The following LEMD2 variants were observed in gnomAD, a reference collection of about 807,000 sequenced individuals.
LEMD2 encodes the protein LEM domain nuclear envelope protein 2, also known as LEM domain-containing protein 2.
A neutral mutation model predicts 58.8 loss-of-function variants in LEMD2; 34 were observed. The ratio of observed to expected loss-of-function variants is 0.58; its 90% CI spans 0.44 to 0.77. The LOEUF is 0.77. LEMD2 is among the 30% of genes least tolerant of loss of function. LEMD2 has a pLI of 0.00. For synonymous variants in LEMD2, 298 were observed against 308.9 expected, an observed-to-expected ratio of 0.96 and a Z score of 0.37; for missense variants, 629 against 717.9, an observed-to-expected ratio of 0.88 and a Z score of 1.42.
In LEMD2 at chr6:33,772,079, TC is replaced by T. The variant is rs909153273; in HGVS notation, c.*548del. The T allele has an allele frequency of 2.6e-5, 4 of 153,060 alleles. No homozygotes were observed. Among genetic ancestry groups the T allele is most frequent in the African/African-American group, 7.2e-5 (3 of 41,410 alleles). The allele number at this position is 153,060 out of a possible 1,614,324, so 9.5% of individuals were successfully genotyped here. A position where few individuals can be genotyped will look rare whatever the true frequency, so the allele number is the denominator to read the frequency against. ...GTCTGGGCCTGGTGTTTCTAGACGG[TC>T]CCCCCTACAGTCACTTGTTCTAATT... On this transcript the variant is annotated 3_prime_UTR_variant, in exon 9 of 9. Transcript: ENST00000293760.
chr6:33,787,692 G>T (rs1767712151), intron 1 of LEMD2, among the ~76,000 whole-genome samples: 1 of 152,218 alleles, frequency 6.6e-6, no homozygotes. Flanking sequence ...GTATCCTGCA[G>T]ACCTCTCATT....
rs1767630240 is a variant in LEMD2, at chr6:33,784,444, C to T, written c.778-17G>A. 1.3e-6 allele frequency: 1 copy of T among 790,660 alleles called. No homozygotes were observed. The highest frequency in any genetic ancestry group is 1.9e-6 in the Non-Finnish European group (1 of 538,436). The allele number at this position is 790,660 out of a possible 1,614,324, so 49.0% of individuals were successfully genotyped here. A position where few individuals can be genotyped will look rare whatever the true frequency, so the allele number is the denominator to read the frequency against. ...CTGACAGAACTGGAAAGGCACGGGA[C>T]AAGTGGTCAGCAAGGAGGGGTGGGT... On this transcript the variant is annotated splice_polypyrimidine_tract_variant and intron_variant, in intron 2 of 8. Transcript: ENST00000293760.
intron 8 of LEMD2, among the ~76,000 whole-genome samples, chr6:33,773,539 G>C (rs1477584620): frequency 2.0e-5 from 3 of 149,350 alleles, no homozygotes; most frequent in African/African-American, 7.3e-5. Flanking sequence ...CTGTGAGTGT[G>C]TACGCATGGG....
intron 8 of LEMD2, among the ~76,000 whole-genome samples, chr6:33,775,586 A>G (rs1180270863): frequency 6.6e-6 from 1 of 152,194 alleles, no homozygotes; most frequent in African/African-American, 2.4e-5. Context: ...AAATGCTGGG[A>G]TTACAGGTGT....
At chr6:33,787,384 G>A (rs1160343554) in intron 1 of LEMD2, among the ~76,000 whole-genome samples, 1 of 152,204 alleles carries the variant, frequency 6.6e-6, no homozygotes, top group Non-Finnish European at 1.5e-5. Flanking sequence ...TCATTTGGGT[G>A]TTTGCACACG....
Position 33,788,811 on chromosome 6 carries a change from C to G in LEMD2, c.306G>C (p.Gly102=), listed in dbSNP as rs986986583. ...CGGAGGGCCGGATATCACCGTAGGCCCCAGGGGTCGCGTAGGCCGAGCCCG... is the reference window on the plus strand; with the variant it reads ...CGGAGGGCCGGATATCACCGTAGGCGCCAGGGGTCGCGTAGGCCGAGCCCG... ...PASGSAYATP[G]AYGDIRPSAA... The change falls in exon 1 of 9, where the codon GGG becomes GGC. Residue 102 remains glycine (G), a synonymous_variant. Transcript: ENST00000293760. 1.4e-6 allele frequency: 2 copies of G among 1,443,986 alleles called. No individual in the cohort carries two copies. The highest frequency in any genetic ancestry group is 1.8e-6 in the Non-Finnish European group (2 of 1,099,914). The allele number at this position is 1,443,986 out of a possible 1,614,324, so 89.4% of individuals were successfully genotyped here. A position where few individuals can be genotyped will look rare whatever the true frequency, so the allele number is the denominator to read the frequency against.
At position 33,778,575 on chromosome 6, in the gene LEMD2, A is replaced by G; in HGVS notation, c.1011-188T>C. ...CCACATTGGCTACTTAGAATGAATAAAGCTTTAAAGACGGCAGCAGGCTTG... is the reference window on the plus strand; with the variant it reads ...CCACATTGGCTACTTAGAATGAATAGAGCTTTAAAGACGGCAGCAGGCTTG... On this transcript the variant is annotated intron_variant, in intron 5 of 8. Coordinates refer to ENST00000293760, the MANE Select transcript of LEMD2 (RefSeq NM_181336.4). This position sits in a 1 kb window ranked among gnomAD's most constrained non-coding sequence, Gnocchi z 4.7. The G allele has an allele frequency of 2.3e-6, 1 of 425,718 alleles. No individual in the cohort carries two copies. Among genetic ancestry groups the G allele is most frequent in the South Asian group, 7.9e-5 (1 of 12,682 alleles). 26.4% of individuals were successfully genotyped at this position (425,718 alleles called of 1,614,324 possible). A position where few individuals can be genotyped will look rare whatever the true frequency, so the allele number is the denominator to read the frequency against.
chr6:33,776,170 G>A (rs998172774), intron 8 of LEMD2, among the ~76,000 whole-genome samples: 3 of 152,368 alleles, frequency 2.0e-5, no homozygotes, highest in South Asian at 2.1e-4. Flanking sequence ...TTCATGTTGT[G>A]AAACTTTGCT....
At chr6:33,780,071 T>C in intron 5 of LEMD2, 29 bp downstream of exon 5, 1 of 1,550,440 alleles carries the variant, frequency 6.4e-7, no homozygotes, top group Non-Finnish European at 8.8e-7. Context: ...CAGGCACCCA[T>C]GCTGCGTCGC....
intron 3 of LEMD2, 149 bp from the exon 4 acceptor site, chr6:33,781,302 C>T (rs1472569594): frequency 3.3e-6 from 2 of 613,402 alleles, no homozygotes; most frequent in South Asian, 2.0e-5. Flanking sequence ...CTTCACTCTG[C>T]AGCAAGATCA....
At chr6:33,780,386 A>G in intron 4 of LEMD2, 2 of 592,532 alleles carry the variant, frequency 3.4e-6, no homozygotes, top group Non-Finnish European at 6.2e-6. Flanking sequence ...GTGATGCGGA[A>G]GCACAAGCAG....
Position 33,789,124 on chromosome 6 carries a change from A to T in LEMD2, c.-8T>A. 2 of 1,504,696 alleles carry T rather than the reference A, an allele frequency of 1.3e-6. No individual in the cohort carries two copies. Among genetic ancestry groups the T allele is most frequent in the Admixed American group, 2.2e-5 (1 of 44,886 alleles). 93.2% of individuals were successfully genotyped at this position (1,504,696 alleles called of 1,614,324 possible). On this transcript the variant is annotated 5_prime_UTR_variant, in exon 1 of 9. Coordinates refer to ENST00000293760, the MANE Select transcript of LEMD2 (RefSeq NM_181336.4). Reference sequence around the variant, plus strand: ...GTCCGACAGGCCGGCCATGGCCAGGACGCCGCCCCCCGCCCGCCCCTGGCG... The same window carrying T: ...GTCCGACAGGCCGGCCATGGCCAGGTCGCCGCCCCCCGCCCGCCCCTGGCG...
intron 4 of LEMD2, 83 bp from the exon 5 acceptor site, chr6:33,780,262 C>T (rs1312448316): frequency 8.1e-7 from 1 of 1,233,334 alleles, no homozygotes; most frequent in East Asian, 2.5e-5. Flanking sequence ...TTAAGGAAGC[C>T]CTCTCCCGTG....
intron 2 of LEMD2, among the ~76,000 whole-genome samples, chr6:33,785,121 G>C (rs1301100199): frequency 3.9e-5 from 6 of 151,960 alleles, no homozygotes; most frequent in African/African-American, 1.5e-4. Context: ...CGTCTTCAAC[G>C]ACCGAAAAGG....
Position 33,772,595 on chromosome 6 carries a change from C to A in LEMD2, c.*33G>T, listed in dbSNP as rs371328599. ...GCCTCTGGAGTGGGCTGTCCTGGGA[C>A]AGGCTGACCGGGAACAAGTCCCCGC... On this transcript the variant is annotated 3_prime_UTR_variant, in exon 9 of 9. Coordinates refer to ENST00000293760, the MANE Select transcript of LEMD2 (RefSeq NM_181336.4). 1.2e-5 allele frequency: 19 copies of A among 1,599,672 alleles called. No individual in the cohort carries two copies. The highest frequency in any genetic ancestry group is 3.4e-5 in the Admixed American group (2 of 59,278).
rs531349701 is a variant in LEMD2, at chr6:33,779,114, C to T, written c.1011-727G>A. ...GGTCATCCTGAGCGGCTCTGCCACC[C>T]TCCAGGCTGCCTTCCCCAACATGAA... On this transcript the variant is annotated intron_variant, in intron 5 of 8. Transcript: ENST00000293760. 5.3e-5 allele frequency: 8 copies of T among 152,340 alleles called. No homozygotes were observed. The East Asian group carries it at 1.5e-3, about 29-fold the overall frequency. 9.4% of individuals were successfully genotyped at this position (152,340 alleles called of 1,614,324 possible). A position where few individuals can be genotyped will look rare whatever the true frequency, so the allele number is the denominator to read the frequency against.
chr6:33,771,643 G>A lies in LEMD2; in HGVS notation c.*985C>T, dbSNP rs561899580. 1.4e-3 allele frequency: 217 copies of A among 152,376 alleles called. 1 individual carries two copies. Among genetic ancestry groups the A allele is most frequent in the African/African-American group, 5.0e-3 (206 of 41,576 alleles). 9.4% of individuals were successfully genotyped at this position (152,376 alleles called of 1,614,324 possible). A position where few individuals can be genotyped will look rare whatever the true frequency, so the allele number is the denominator to read the frequency against. Reference sequence around the variant, plus strand: ...TGAGGAGCTGGCGGGAGGGCCGGTGGGCGGCGGCGCGGACGCTGCTCCCTT... The same window carrying A: ...TGAGGAGCTGGCGGGAGGGCCGGTGAGCGGCGGCGCGGACGCTGCTCCCTT... On this transcript the variant is annotated 3_prime_UTR_variant, in exon 9 of 9. Transcript: ENST00000293760.
Position 33,780,187 on chromosome 6 carries a change from AG to A in LEMD2, c.931-9del. The A allele has an allele frequency of 1.3e-6, 2 of 1,578,982 alleles. No homozygotes were observed. Among genetic ancestry groups the A allele is most frequent in the South Asian group, 1.2e-5 (1 of 86,578 alleles). ...GGAGCTGCTGGTCACATTCTGTGGG[AG>A]GGCGCGGGAGAAGGTTAGTTCGGCG... On this transcript the variant is annotated splice_polypyrimidine_tract_variant and intron_variant, in intron 4 of 8. Coordinates refer to ENST00000293760, the MANE Select transcript of LEMD2 (RefSeq NM_181336.4).
chr6:33,788,889 G>C lies in LEMD2; in HGVS notation c.228C>G (p.Ala76=). 7.2e-7 allele frequency: 1 copy of C among 1,381,482 alleles called. No homozygotes were observed. Among genetic ancestry groups the C allele is most frequent in the South Asian group, 1.7e-5 (1 of 60,440 alleles). The allele number at this position is 1,381,482 out of a possible 1,614,324, so 85.6% of individuals were successfully genotyped here. A position where few individuals can be genotyped will look rare whatever the true frequency, so the allele number is the denominator to read the frequency against. Reference sequence around the variant, plus strand: ...CCCGCGGAGAGGCCGCGGCGGGCCGGGCGCGCAGCGGCGCATCCTCGCGTA... The same window carrying C: ...CCCGCGGAGAGGCCGCGGCGGGCCGCGCGCGCAGCGGCGCATCCTCGCGTA... The part of the protein sequence containing the change: ...ARLREDAPLR[A]RPAAASPRAE... The change falls in exon 1 of 9, where the codon GCC becomes GCG. Residue 76 remains alanine (A), a synonymous_variant. Transcript: ENST00000293760.
Sources: gnomAD v4.1 joint callset for allele counts (sites outside exome capture counted in the v4.1 genomes callset) on GRCh38, gnomAD v4.1.1 for gene constraint, Gnocchi (gnomAD v3.1) non-coding constraint, MANE v1.5 for transcripts, NCBI Gene and HGNC (gene_info 2026-07-23, HGNC 2026-07-21) for gene names.